HSD11B1: variants seen among roughly 807,000 people sequenced by gnomAD.
The protein encoded by HSD11B1 is 11-beta-hydroxysteroid dehydrogenase 1.
HSD11B1 carries 15 observed loss-of-function variants against 22.1 expected under a neutral mutation model. That is an observed-to-expected ratio of 0.68 (90% CI 0.45 to 1.04). The LOEUF (loss-of-function observed/expected upper bound fraction) is 1.04. Among genes scored for constraint, HSD11B1 ranks in the 50% least tolerant of loss-of-function variants. The pLI is 0.00. For synonymous variants in HSD11B1, 122 were observed against 125.2 expected (o/e 0.97, Z 0.17); for missense variants, 281 against 357.6 (o/e 0.79, Z 1.73).
At chr1:209,687,213 A>G (rs1435076713) in intron 1 of HSD11B1, among the ~76,000 whole-genome samples, 7 of 152,240 alleles carry the variant, frequency 4.6e-5, no homozygotes, top group Admixed American at 6.5e-5. Flanking sequence ...GTTGGCTTTT[A>G]AGAGTCCAAC....
chr1:209,702,738 C>A (rs555820289), upstream of HSD11B1, among the ~76,000 whole-genome samples: 4 of 152,328 alleles, frequency 2.6e-5, no homozygotes, highest in East Asian at 1.9e-4. Flanking sequence ...AAAACCTACA[C>A]AGGCAAAAGT....
intron 4 of HSD11B1, among the ~76,000 whole-genome samples, chr1:209,726,977 C>T (rs958827987): frequency 6.6e-6 from 1 of 152,068 alleles, no homozygotes; most frequent in African/African-American, 2.4e-5. Context: ...TGGTGGTCCT[C>T]CCCCAAAAGA....
intron 4 of HSD11B1, among the ~76,000 whole-genome samples, chr1:209,723,671 G>T (rs2076982245): frequency 6.6e-6 from 1 of 152,174 alleles, no homozygotes; most frequent in Non-Finnish European, 1.5e-5. Flanking sequence ...CCTGCTGTTG[G>T]TAGGAAATGT....
intron 1 of HSD11B1, 81 bp downstream of exon 1, chr1:209,705,111 T>C (rs767700287): frequency 9.2e-7 from 1 of 1,090,558 alleles, no homozygotes; most frequent in Non-Finnish European, 1.4e-6. Context: ...GACCAAGATG[T>C]GTTCTTGATC....
chr1:209,727,753 G>A (rs1021677108), intron 4 of HSD11B1, among the ~76,000 whole-genome samples: 1 of 152,156 alleles, frequency 6.6e-6, no homozygotes, highest in Non-Finnish European at 1.5e-5. Flanking sequence ...CTAAATAAAT[G>A]TTAGTTCCTA....
chr1:209,723,013 G>T (rs928541454), intron 4 of HSD11B1, among the ~76,000 whole-genome samples: 5 of 152,220 alleles, frequency 3.3e-5, no homozygotes, highest in Middle Eastern at 3.4e-3. Context: ...CCAGTTCTCT[G>T]GCTCTTGCTG....
chr1:209,708,679 T>A (rs1280669748), intron 4 of HSD11B1, among the ~76,000 whole-genome samples: 1 of 152,260 alleles, frequency 6.6e-6, no homozygotes, highest in Non-Finnish European at 1.5e-5. Flanking sequence ...GCTGATTAAA[T>A]AATACATTCA....
At chr1:209,728,250 T>C (rs2077015365) in intron 4 of HSD11B1, among the ~76,000 whole-genome samples, 2 of 152,230 alleles carry the variant, frequency 1.3e-5, no homozygotes, top group Non-Finnish European at 2.9e-5. Flanking sequence ...TGATCTAATT[T>C]GAATTTGTTT....
chr1:209,701,224 T>C (rs1018216213), upstream of HSD11B1, among the ~76,000 whole-genome samples: 3 of 152,190 alleles, frequency 2.0e-5, no homozygotes, highest in Non-Finnish European at 4.4e-5. Context: ...GAGGTTTAAT[T>C]GGACTTACAG....
upstream of HSD11B1, among the ~76,000 whole-genome samples, chr1:209,701,281 G>A (rs1449123774): frequency 6.6e-6 from 1 of 152,182 alleles, no homozygotes; most frequent in Non-Finnish European, 1.5e-5. Flanking sequence ...GAGGTGAAAG[G>A]CACTTCTTAC....
At position 209,695,935 on chromosome 1, in the gene HSD11B1, T is replaced by G. The variant is rs546836224; in HGVS notation, c.-48-8960T>G. The stretch of plus-strand genomic sequence containing the variant: ...TTCATACCAATGTTCATTGCAGCAC[T>G]GTCCATAATAGCAAAAAACAGGGGA... On this transcript the variant is annotated intron_variant, in intron 1 of 6. Transcript: ENST00000261465. 1.2e-4 allele frequency among the ~76,000 whole-genome samples: 19 copies of G among 152,374 alleles called. No homozygotes were observed. The South Asian group carries it at 3.7e-3, about 30-fold the overall frequency.
At chr1:209,729,532 C>A (rs906928017) in intron 4 of HSD11B1, among the ~76,000 whole-genome samples, 16 of 152,118 alleles carry the variant, frequency 1.1e-4, no homozygotes, top group African/African-American at 3.9e-4. Flanking sequence ...GTGGCTTCTA[C>A]CTCATGGTCC....
chr1:209,725,419 A>C (rs1328333523), intron 4 of HSD11B1, among the ~76,000 whole-genome samples: 1 of 152,214 alleles, frequency 6.6e-6, no homozygotes, highest in Non-Finnish European at 1.5e-5. Flanking sequence ...CATCAAGCAG[A>C]ATTTACAACC....
chr1:209,687,014 A>G (rs1029274925), intron 1 of HSD11B1, among the ~76,000 whole-genome samples: 3 of 152,236 alleles, frequency 2.0e-5, no homozygotes, highest in Non-Finnish European at 2.9e-5. Flanking sequence ...AAGGAACTAG[A>G]GAAACCTGAC....
At chr1:209,700,596 G>C (rs1336723757), upstream of HSD11B1, among the ~76,000 whole-genome samples, 1 of 152,220 alleles carries the variant, frequency 6.6e-6, no homozygotes, top group Non-Finnish European at 1.5e-5. Flanking sequence ...TGGTTTTGGG[G>C]ATTAACATTT....
intron 4 of HSD11B1, among the ~76,000 whole-genome samples, chr1:209,729,615 G>A (rs1374890707): frequency 1.3e-5 from 2 of 151,990 alleles, no homozygotes; most frequent in Admixed American, 6.6e-5. Context: ...GGGAAGGAGA[G>A]ACTGGCTTCT....
At chr1:209,730,569 C>T (rs893172953) in intron 4 of HSD11B1, among the ~76,000 whole-genome samples, 1 of 152,150 alleles carries the variant, frequency 6.6e-6, no homozygotes, top group African/African-American at 2.4e-5. Context: ...GATTACGTTG[C>T]TGTCCTGAAC....
chr1:209,706,888 A>C lies in HSD11B1; in HGVS notation c.332-55A>C. On this transcript the variant is annotated intron_variant, in intron 3 of 5. Transcript: ENST00000367027. The surrounding 1 kb of genome is among the most constrained non-coding windows in gnomAD (Gnocchi z 4.0). The stretch of plus-strand genomic sequence containing the variant: ...GGGGTCACCAAGAGCTTTTGGGAGG[A>C]GAATGGGAAAGGTATCAACCCCAGA... 6.2e-7 allele frequency: 1 copy of C among 1,608,716 alleles called. No individual in the cohort carries two copies. The highest frequency in any genetic ancestry group is 8.5e-7 in the Non-Finnish European group (1 of 1,175,066).
At chr1:209,688,268 C>G (rs1216538246) in intron 1 of HSD11B1, among the ~76,000 whole-genome samples, 1 of 152,154 alleles carries the variant, frequency 6.6e-6, no homozygotes, top group Non-Finnish European at 1.5e-5. Context: ...CCAACATCCT[C>G]ATAACTTGTA....
Sources: allele counts gnomAD v4.1 joint callset (sites outside exome capture counted in the v4.1 genomes callset), GRCh38; gene constraint gnomAD v4.1.1; non-coding constraint Gnocchi (gnomAD v3.1); transcripts MANE v1.5; gene names NCBI Gene and HGNC (gene_info 2026-07-23, HGNC 2026-07-21).